The following ASPH variants were observed in gnomAD, a reference collection of about 807,000 sequenced individuals.
ASPH encodes aspartate beta-hydroxylase, also known as aspartyl/asparaginyl beta-hydroxylase.
ASPH carries 100 observed loss-of-function variants against 118.4 expected under a neutral mutation model. That is an observed-to-expected ratio of 0.84 (90% CI 0.72 to 1.00). ASPH has a LOEUF of 1.00. Ranked by LOEUF, ASPH falls within the 50% of genes least tolerant of loss-of-function variation. ASPH has a pLI of 0.00. For synonymous variants in ASPH, 315 were observed against 325.6 expected, an observed-to-expected ratio of 0.97 and a Z score of 0.35; for missense variants, 920 against 919.5, an observed-to-expected ratio of 1.00 and a Z score of -0.01.
chr8:61,694,716 T>A (rs16927767), intron 1 of ASPH, among the ~76,000 whole-genome samples: 72,135 of 152,022 alleles, frequency 0.47, 17,430 homozygotes, highest in Middle Eastern at 0.53. Context: ...CTTGTTCCTA[T>A]GCCACCTCTC....
At position 61,626,180 on chromosome 8, in the gene ASPH, A is replaced by G. The variant is rs531659284; in HGVS notation, c.935-7161T>C. The G allele has an allele frequency of 4.4e-6, 6 of 1,378,724 alleles. No homozygotes were observed. In the Admixed American group the frequency reaches 1.7e-4, roughly 39 times the overall value. 85.4% of individuals were successfully genotyped at this position (1,378,724 alleles called of 1,614,324 possible). A position where few individuals can be genotyped will look rare whatever the true frequency, so the allele number is the denominator to read the frequency against. On this transcript the variant is annotated intron_variant, in intron 13 of 24. Coordinates refer to ENST00000379454, the MANE Select transcript of ASPH (RefSeq NM_004318.4). ...CCTTCCCAAAGATCTTGATCTGCTC[A>G]GTAATTGCTTCACAAGATCTATCAC...
chr8:61,553,105 C>T lies in ASPH; in HGVS notation c.1552G>A (p.Gly518Arg), dbSNP rs1055400004. ...CTCCCATCATCAGTGCCAGGATCTC[C>T]GGATTCTATTCCTTCCTGTAGAAAG... ...IPYLKEGIES[G>R]DPGTDDGRFY... Residue 518 changes from glycine (G) to arginine (R), a missense_variant, in exon 20 of 25, where the codon GGA becomes AGA. Transcript: ENST00000379454. The T allele has an allele frequency of 1.9e-5, 31 of 1,613,224 alleles. No individual in the cohort carries two copies. The highest frequency in any genetic ancestry group is 2.7e-5 in the African/African-American group (2 of 74,998).
chr8:61,576,381 C>T (rs995748648), intron 16 of ASPH, among the ~76,000 whole-genome samples: 2 of 152,168 alleles, frequency 1.3e-5, no homozygotes, highest in Non-Finnish European at 2.9e-5. Context: ...GTATGTTCCA[C>T]TTTATATTTT....
intron 13 of ASPH, among the ~76,000 whole-genome samples, chr8:61,621,020 C>T (rs1850717404): frequency 2.0e-5 from 3 of 152,168 alleles, no homozygotes; most frequent in Admixed American, 1.3e-4. Flanking sequence ...TCACGTCCTC[C>T]CAGGAACGTG....
intron 3 of ASPH, chr8:61,659,666 G>C (rs976125048): frequency 3.3e-5 from 5 of 152,198 alleles, no homozygotes; most frequent in Non-Finnish European, 7.4e-5. Flanking sequence ...AAATGGAGAA[G>C]AAAGGATAAG....
At chr8:61,618,193 A>T (rs1849687217) in intron 14 of ASPH, among the ~76,000 whole-genome samples, 2 of 152,206 alleles carry the variant, frequency 1.3e-5, no homozygotes, top group Non-Finnish European at 2.9e-5. Flanking sequence ...CATGCTCACC[A>T]AGTATCATTT....
chr8:61,531,087 A>G (rs758139507), intron 21 of ASPH, among the ~76,000 whole-genome samples: 6 of 152,222 alleles, frequency 3.9e-5, no homozygotes, highest in Non-Finnish European at 8.8e-5. Context: ...TGTCACATGC[A>G]GCATTTTTTT....
At chr8:61,541,482 C>T (rs1238591094) in intron 21 of ASPH, among the ~76,000 whole-genome samples, 1 of 152,146 alleles carries the variant, frequency 6.6e-6, no homozygotes, top group Non-Finnish European at 1.5e-5. Context: ...AGAGGGTTTC[C>T]ACTTTAAGAC....
chr8:61,651,077 G>A lies in ASPH; in HGVS notation c.463C>T (p.Leu155Phe). Residue 155 changes from leucine (L) to phenylalanine (F), a missense_variant, in exon 5 of 25, where the codon CTC becomes TTC. By Grantham distance (22) the Leu-to-Phe change is conservative. Coordinates refer to ENST00000379454, the MANE Select transcript of ASPH (RefSeq NM_004318.4). The part of the protein sequence containing the change: ...DEAKEQIQSL[L>F]HEMVHAEHVE... ...TGTTCTGCGTGTACCATTTCATGGA[G>A]AAGGGACTGAATTTGTTCTTTTGCT... The A allele has an allele frequency of 1.2e-6, 2 of 1,613,766 alleles. No homozygotes were observed. The highest frequency in any genetic ancestry group is 1.1e-5 in the South Asian group (1 of 91,048).
intron 24 of ASPH, among the ~76,000 whole-genome samples, chr8:61,514,536 C>A (rs774491638): frequency 6.6e-6 from 1 of 151,944 alleles, no homozygotes; most frequent in East Asian, 1.9e-4. Flanking sequence ...GGTGAAACCC[C>A]GTCTCTACTA....
chr8:61,658,654 C>A (rs1184581386), intron 3 of ASPH: 2 of 151,994 alleles, frequency 1.3e-5, no homozygotes, highest in African/African-American at 4.8e-5. Flanking sequence ...AGTATTTTTC[C>A]AAAAATTTAC....
chr8:61,672,650 G>A (rs563208342), intron 3 of ASPH, among the ~76,000 whole-genome samples: 2 of 152,184 alleles, frequency 1.3e-5, no homozygotes, highest in Admixed American at 6.5e-5. Flanking sequence ...CATTGAAGGA[G>A]AATTCAAATA....
At chr8:61,711,341 G>A (rs1052161610) in intron 1 of ASPH, among the ~76,000 whole-genome samples, 2 of 152,046 alleles carry the variant, frequency 1.3e-5, no homozygotes, top group African/African-American at 4.8e-5. Flanking sequence ...ATCCTTCTTT[G>A]TCAAACTATT....
intron 11 of ASPH, 32 bp from the exon 12 acceptor site, chr8:61,638,035 C>T (rs779009391): frequency 1.8e-5 from 29 of 1,583,466 alleles, no homozygotes; most frequent in Middle Eastern, 1.7e-4. Context: ...GAATCCATTA[C>T]ATGTTGCTGA....
At chr8:61,544,243 A>G (rs1822993973) in intron 21 of ASPH, among the ~76,000 whole-genome samples, 1 of 152,198 alleles carries the variant, frequency 6.6e-6, no homozygotes, top group Non-Finnish European at 1.5e-5. Flanking sequence ...TTTTCCTTCA[A>G]TAAATATTCC....
intron 8 of ASPH, 115 bp from the exon 9 acceptor site, chr8:61,643,548 T>C: frequency 9.9e-7 from 1 of 1,013,146 alleles, no homozygotes. Flanking sequence ...ATAGATGTTT[T>C]CATTATCATT....
At chr8:61,625,053 T>C (rs1043837876) in intron 13 of ASPH, 1 of 985,710 alleles carries the variant, frequency 1.0e-6, no homozygotes, top group Admixed American at 6.2e-5. Context: ...AGTCACCTTA[T>C]CTTAATGTTA....
Position 61,548,138 on chromosome 8 carries a change from T to C in ASPH, c.1697A>G (p.Asn566Ser), listed in dbSNP as rs754960427. ...FASVWQRSLY[N>S]VNGLKAQPWW... ...AGGCTGTGCTTTCAGTCCATTCACA[T>C]TGTAGAGTGAGCGTTGCCAGACAGA... The change falls in exon 21 of 25, where the codon AAT becomes AGT. Residue 566 changes from asparagine (N) to serine (S), a missense_variant. Coordinates refer to ENST00000379454, the MANE Select transcript of ASPH (RefSeq NM_004318.4). 5.6e-6 allele frequency: 9 copies of C among 1,613,924 alleles called. No homozygotes were observed. Among genetic ancestry groups the C allele is most frequent in the South Asian group, 4.4e-5 (4 of 91,084 alleles).
chr8:61,634,637 A>C (rs531242232), intron 12 of ASPH, among the ~76,000 whole-genome samples: 20 of 152,322 alleles, frequency 1.3e-4, no homozygotes, highest in African/African-American at 4.8e-4. Context: ...TTCTTCTTAT[A>C]ACAGCAGTAC....
Sources: allele counts gnomAD v4.1 joint callset (sites outside exome capture counted in the v4.1 genomes callset), GRCh38; gene constraint gnomAD v4.1.1; transcripts MANE v1.5; gene names NCBI Gene and HGNC (gene_info 2026-07-23, HGNC 2026-07-21).